Variants in HECTD2 observed in about 807,000 individuals in gnomAD.
HECTD2 encodes probable E3 ubiquitin-protein ligase HECTD2.
A neutral mutation model predicts 103.2 loss-of-function variants in HECTD2; 35 were observed. That is an observed-to-expected ratio of 0.34 (90% CI 0.26 to 0.45). The LOEUF (loss-of-function observed/expected upper bound fraction) is 0.45, where lower values mean the gene tolerates loss of function less well. Ranked by LOEUF, HECTD2 falls within the 20% of genes least tolerant of loss-of-function variation. The pLI is 1.00. For synonymous variants in HECTD2, 281 were observed against 329.9 expected (o/e 0.85, Z 1.61); for missense variants, 596 against 937.4 (o/e 0.64, Z 4.76).
At chr10:91,484,960 A>G (rs1161555623) in intron 9 of HECTD2, among the ~76,000 whole-genome samples, 2 of 152,022 alleles carry the variant, frequency 1.3e-5, no homozygotes, top group Non-Finnish European at 2.9e-5. Context: ...CTTTAATACT[A>G]TTATAATCCT....
intron 14 of HECTD2, among the ~76,000 whole-genome samples, chr10:91,493,739 A>G (rs530323466): frequency 6.6e-6 from 1 of 152,130 alleles, no homozygotes; most frequent in South Asian, 2.1e-4. Flanking sequence ...CAAAATAAAA[A>G]TGGTTCTTTC....
intron 13 of HECTD2, among the ~76,000 whole-genome samples, chr10:91,493,005 T>C (rs566189161): frequency 6.6e-6 from 1 of 151,952 alleles, no homozygotes; most frequent in East Asian, 1.9e-4. Context: ...TTCCTTATTC[T>C]TTAGTTTTCT....
intron 15 of HECTD2, among the ~76,000 whole-genome samples, chr10:91,497,598 C>A (rs906048143): frequency 1.3e-5 from 2 of 151,816 alleles, no homozygotes; most frequent in Non-Finnish European, 2.9e-5. Flanking sequence ...CATGAGCCAC[C>A]GTGCCCGGCT....
Position 91,499,130 on chromosome 10 carries a change from T to C in HECTD2, c.1930T>C (p.Cys644Arg). 6.2e-7 allele frequency: 1 copy of C among 1,609,984 alleles called. No homozygotes were observed. Among genetic ancestry groups the C allele is most frequent in the Non-Finnish European group, 8.5e-7 (1 of 1,176,510 alleles). ...ATTTTATTATGGATTTCATAGTGTGTGTGCTTCAAATGCCCTAATGGTGAG... is the reference window on the plus strand; with the variant it reads ...ATTTTATTATGGATTTCATAGTGTGCGTGCTTCAAATGCCCTAATGGTGAG... ...AAFYYGFHSV[C>R]ASNALMLLRP... Residue 644 changes from cysteine (C) to arginine (R), a missense_variant, in exon 18 of 21, where the codon TGT becomes CGT. Around this residue, in one of 4 missense-constraint regions of HECTD2, gnomAD observed 69 missense variants for 153.8 expected, o/e 0.45. Transcript: ENST00000298068.
At chr10:91,497,245 G>A (rs1364921207) in intron 15 of HECTD2, among the ~76,000 whole-genome samples, 1 of 149,146 alleles carries the variant, frequency 6.7e-6, no homozygotes, top group Admixed American at 6.7e-5. Context: ...CAAAGTGCTG[G>A]GATTACAGGC....
chr10:91,503,793 C>G (rs1847018836), intron 20 of HECTD2, among the ~76,000 whole-genome samples: 1 of 152,200 alleles, frequency 6.6e-6, no homozygotes. Flanking sequence ...AGGAGGCCTG[C>G]CTGCCTCTGT....
chr10:91,437,146 A>G (rs1844153512), intron 2 of HECTD2, among the ~76,000 whole-genome samples: 1 of 152,046 alleles, frequency 6.6e-6, no homozygotes, highest in Non-Finnish European at 1.5e-5. Context: ...AAATACCAGC[A>G]ATGTTTATTT....
chr10:91,475,836 T>G (rs1183778895), intron 5 of HECTD2, among the ~76,000 whole-genome samples: 1 of 152,046 alleles, frequency 6.6e-6, no homozygotes, highest in African/African-American at 2.4e-5. Context: ...GAACTGTGGG[T>G]GAGAGGGCTG....
intron 18 of HECTD2, among the ~76,000 whole-genome samples, chr10:91,500,083 T>C (rs140281991): frequency 3.3e-5 from 5 of 152,034 alleles, no homozygotes; most frequent in Admixed American, 1.3e-4. Context: ...CACCTGAAAG[T>C]TGAAAAAAAC....
At chr10:91,477,230 G>T (rs1038122301) in intron 5 of HECTD2, among the ~76,000 whole-genome samples, 1 of 152,010 alleles carries the variant, frequency 6.6e-6, no homozygotes, top group African/African-American at 2.4e-5. Flanking sequence ...CAGATGCCAA[G>T]TGTGTAGCAA....
In HECTD2 at chr10:91,460,443, A is replaced by G. The variant is rs745324269; in HGVS notation, c.285A>G (p.Pro95=). The G allele has an allele frequency of 3.1e-6, 5 of 1,605,530 alleles. No homozygotes were observed. Among genetic ancestry groups the G allele is most frequent in the South Asian group, 1.1e-5 (1 of 88,738 alleles). Residue 95 remains proline (P), a synonymous_variant, in exon 3 of 21, where the codon CCA becomes CCG. Transcript: ENST00000298068. ...ACTTCACAGTGAGAGAACCACCACC[A>G]ATTTGCCTTGATGTTAGACAAAAAC... The part of the protein sequence containing the change: ...PNIKNVREPP[P]ICLDVRQKQR...
chr10:91,429,059 C>A (rs1036702042), intron 2 of HECTD2, among the ~76,000 whole-genome samples: 1 of 152,024 alleles, frequency 6.6e-6, no homozygotes, highest in African/African-American at 2.4e-5. Context: ...CCCATCAATA[C>A]CTAATTTATT....
At chr10:91,461,569 G>T (rs1420774990) in intron 4 of HECTD2, among the ~76,000 whole-genome samples, 2 of 151,946 alleles carry the variant, frequency 1.3e-5, no homozygotes, top group African/African-American at 4.8e-5. Context: ...TTTGTTTTGA[G>T]ATGGAGTCTC....
intron 1 of HECTD2, among the ~76,000 whole-genome samples, chr10:91,412,104 C>T (rs1053390491): frequency 1.3e-5 from 2 of 152,110 alleles, no homozygotes; most frequent in African/African-American, 2.4e-5. Flanking sequence ...AAAGGTAATT[C>T]GGTACATATA....
At chr10:91,415,850 T>C (rs1052459104) in intron 1 of HECTD2, among the ~76,000 whole-genome samples, 1 of 152,226 alleles carries the variant, frequency 6.6e-6, no homozygotes, top group African/African-American at 2.4e-5. Flanking sequence ...ATGGTATGAA[T>C]AGATCATTAA....
In HECTD2 at chr10:91,500,834, G is replaced by C. The variant is rs138882537; in HGVS notation, c.2066+217G>C. ...ATTCTATAAGCAAGTTTCTACAAAAGTGTAGAGATTTTACTTTTAAAAAAA... is the reference window on the plus strand; with the variant it reads ...ATTCTATAAGCAAGTTTCTACAAAACTGTAGAGATTTTACTTTTAAAAAAA... On this transcript the variant is annotated intron_variant, in intron 19 of 20. Transcript: ENST00000298068. Among the ~76,000 whole-genome samples the C allele has an allele frequency of 2.6e-5, 4 of 152,212 alleles. No individual in the cohort carries two copies. In the East Asian group the frequency reaches 7.7e-4, roughly 29 times the overall value.
At chr10:91,504,398 A>G (rs1487499018) in intron 20 of HECTD2, among the ~76,000 whole-genome samples, 1 of 150,648 alleles carries the variant, frequency 6.6e-6, no homozygotes, top group Middle Eastern at 3.2e-3. Flanking sequence ...AGAAGAATGT[A>G]TAACTAGAAT....
At chr10:91,506,718 C>T (rs1460485441) in intron 20 of HECTD2, among the ~76,000 whole-genome samples, 1 of 151,974 alleles carries the variant, frequency 6.6e-6, no homozygotes, top group Non-Finnish European at 1.5e-5. Context: ...GGTACCATTC[C>T]TTCTGAAACT....
chr10:91,424,661 A>T (rs543496824), intron 1 of HECTD2, among the ~76,000 whole-genome samples: 14 of 152,246 alleles, frequency 9.2e-5, no homozygotes, highest in African/African-American at 3.1e-4. Flanking sequence ...TTTGTGAAAG[A>T]TGTGATAATG....
Sources: gnomAD v4.1 joint callset for allele counts (sites outside exome capture counted in the v4.1 genomes callset) on GRCh38, gnomAD v4.1.1 for gene constraint, gnomAD v4.1.1 regional missense constraint, MANE v1.5 for transcripts, NCBI Gene and HGNC (gene_info 2026-07-23, HGNC 2026-07-21) for gene names.